EFCAB6: variants seen among roughly 807,000 people sequenced by gnomAD.
EFCAB6 encodes the protein EF-hand calcium-binding domain-containing protein 6.
EFCAB6 carries 156 observed loss-of-function variants against 169.8 expected under a neutral mutation model. That is an observed-to-expected ratio of 0.92 (90% CI 0.81 to 1.05). EFCAB6 has a LOEUF of 1.05. Among genes scored for constraint, EFCAB6 ranks in the 50% least tolerant of loss-of-function variants. The pLI, the probability that EFCAB6 is intolerant of heterozygous loss-of-function variation, is 0.00. For synonymous variants in EFCAB6, 698 were observed against 676.4 expected, an observed-to-expected ratio of 1.03 and a Z score of -0.50; for missense variants, 1,800 against 1,829.1, an observed-to-expected ratio of 0.98 and a Z score of 0.29.
At chr22:43,614,854 C>A (rs2053587998) in intron 21 of EFCAB6, among the ~76,000 whole-genome samples, 1 of 152,060 alleles carries the variant, frequency 6.6e-6, no homozygotes, top group African/African-American at 2.4e-5. Context: ...ACAGCACAGA[C>A]AGTCTGCTTT....
chr22:43,781,354 C>T (rs1477366676), intron 3 of EFCAB6, among the ~76,000 whole-genome samples: 3 of 152,112 alleles, frequency 2.0e-5, no homozygotes, highest in Non-Finnish European at 4.4e-5. Flanking sequence ...GACAGGGTCT[C>T]ACTCTGACAC....
intron 10 of EFCAB6, among the ~76,000 whole-genome samples, chr22:43,689,944 G>A (rs62227040): frequency 1.3e-5 from 2 of 152,078 alleles, no homozygotes; most frequent in Non-Finnish European, 2.9e-5. Flanking sequence ...TTTTATCCAG[G>A]GGCAAAAGAA....
chr22:43,531,352 C>G (rs968407774), intron 30 of EFCAB6, among the ~76,000 whole-genome samples: 3 of 151,782 alleles, frequency 2.0e-5, no homozygotes, highest in Non-Finnish European at 4.4e-5. Flanking sequence ...ACGAGATGGC[C>G]GGGCAGATAT....
In EFCAB6 at chr22:43,699,665, C is replaced by T. The variant is rs115188460; in HGVS notation, c.1031+11810G>A. Among the ~76,000 whole-genome samples, 161 of 152,296 alleles carry T rather than the reference C, an allele frequency of 1.1e-3. 1 individual carries two copies. The highest frequency in any genetic ancestry group is 3.6e-3 in the African/African-American group (151 of 41,562). On this transcript the variant is annotated intron_variant, in intron 10 of 31. Coordinates refer to ENST00000262726, the MANE Select transcript of EFCAB6 (RefSeq NM_022785.4). Reference sequence around the variant, plus strand: ...TGTTTCTCCTCGGGAGTCACACCCTCGCCTAACCCATAGCCCTGTTAACCA... The same window carrying T: ...TGTTTCTCCTCGGGAGTCACACCCTTGCCTAACCCATAGCCCTGTTAACCA...
At chr22:43,771,590 C>A (rs1386973005) in intron 4 of EFCAB6, among the ~76,000 whole-genome samples, 1 of 152,052 alleles carries the variant, frequency 6.6e-6, no homozygotes, top group Non-Finnish European at 1.5e-5. Context: ...TACTTTTGAT[C>A]ATTACAGACT....
chr22:43,637,823 G>T (rs573323458), intron 17 of EFCAB6, among the ~76,000 whole-genome samples: 2 of 152,222 alleles, frequency 1.3e-5, no homozygotes, highest in African/African-American at 4.8e-5. Context: ...ACACACAGCC[G>T]CGGTGAGCCT....
intron 19 of EFCAB6, among the ~76,000 whole-genome samples, chr22:43,630,263 A>C (rs764991700): frequency 6.6e-6 from 1 of 152,218 alleles, no homozygotes; most frequent in Non-Finnish European, 1.5e-5. Context: ...ACCCGCATCC[A>C]GTCTGTCTCA....
In EFCAB6 at chr22:43,755,903, A is replaced by T. The variant is rs530482121; in HGVS notation, c.441-71T>A. 261 of 1,322,416 alleles carry T rather than the reference A, an allele frequency of 2.0e-4. 1 individual carries two copies. The South Asian group carries it at 3.8e-3, about 19-fold the overall frequency. 81.9% of individuals were successfully genotyped at this position (1,322,416 alleles called of 1,614,324 possible). On this transcript the variant is annotated intron_variant, in intron 5 of 31. Coordinates refer to ENST00000262726, the MANE Select transcript of EFCAB6 (RefSeq NM_022785.4). ...AAATGTTTACATAGGATATGCAGAG[A>T]TCAAAATTACAAGGATTTCCAAATA...
chr22:43,666,789 A>C (rs1299037762), intron 17 of EFCAB6, among the ~76,000 whole-genome samples: 2 of 133,204 alleles, frequency 1.5e-5, no homozygotes, highest in Non-Finnish European at 3.1e-5. Context: ...GTGGCTTTGT[A>C]CTCTCACCCG....
At chr22:43,728,220 T>G (rs2059808104) in intron 8 of EFCAB6, among the ~76,000 whole-genome samples, 1 of 152,180 alleles carries the variant, frequency 6.6e-6, no homozygotes, top group South Asian at 2.1e-4. Context: ...ACTTCATCCA[T>G]GTACCAGCAA....
intron 30 of EFCAB6, among the ~76,000 whole-genome samples, chr22:43,532,263 T>C (rs1293795605): frequency 1.3e-5 from 2 of 152,216 alleles, no homozygotes; most frequent in Non-Finnish European, 2.9e-5. Flanking sequence ...ACCCCAGCTT[T>C]GCGGGGTTGC....
At chr22:43,726,175 C>CA (rs577662152) in intron 8 of EFCAB6, among the ~76,000 whole-genome samples, 9 of 133,024 alleles carry the variant, frequency 6.8e-5, no homozygotes, top group Non-Finnish European at 1.4e-4. Context: ...AATGCAAAAA[C>CA]AAAAAAAGGG....
intron 8 of EFCAB6, among the ~76,000 whole-genome samples, chr22:43,730,288 G>A (rs1406943218): frequency 8.3e-6 from 1 of 120,750 alleles, no homozygotes. Flanking sequence ...GGGATGGAGG[G>A]AGGGATGGAG....
At chr22:43,717,005 A>G (rs765791023) in intron 8 of EFCAB6, 33 bp from the exon 9 acceptor site, 1 of 1,448,748 alleles carries the variant, frequency 6.9e-7, no homozygotes, top group East Asian at 2.6e-5. Context: ...GCTTATCAAC[A>G]TTGTCAAAGG....
chr22:43,534,990 C>T (rs1602101208), intron 29 of EFCAB6, 118 bp from the exon 30 acceptor site: 1 of 1,047,472 alleles, frequency 9.5e-7, no homozygotes, highest in Non-Finnish European at 1.4e-6. Context: ...TTGGTCCTCA[C>T]ATCAAAGAAC....
intron 22 of EFCAB6, among the ~76,000 whole-genome samples, chr22:43,606,949 C>T (rs2052962870): frequency 6.6e-6 from 1 of 152,112 alleles, no homozygotes; most frequent in Non-Finnish European, 1.5e-5. Flanking sequence ...CATGGCCAGC[C>T]CCCACTCAGG....
At position 43,628,357 on chromosome 22, in the gene EFCAB6, C is replaced by T. The variant is rs117577997; in HGVS notation, c.2233-1678G>A. 9.5e-3 allele frequency among the ~76,000 whole-genome samples: 1,418 copies of T among 148,574 alleles called. 12 individuals are homozygous for T. Among genetic ancestry groups the T allele is most frequent in the Non-Finnish European group, 0.015 (1,011 of 65,546 alleles). Reference sequence around the variant, plus strand: ...CCCTTCAGAGTGCATTAGCACTGGACCCCCTCTCCCAGGCACACCACCTCG... The same window carrying T: ...CCCTTCAGAGTGCATTAGCACTGGATCCCCTCTCCCAGGCACACCACCTCG... On this transcript the variant is annotated intron_variant, in intron 19 of 31. Transcript: ENST00000262726. This position sits in a 1 kb window ranked among gnomAD's most constrained non-coding sequence, Gnocchi z 4.8.
intron 30 of EFCAB6, among the ~76,000 whole-genome samples, chr22:43,532,853 T>C (rs983847940): frequency 2.0e-5 from 3 of 152,238 alleles, no homozygotes; most frequent in African/African-American, 7.2e-5. Flanking sequence ...GGGCCAGGGC[T>C]TTCAGCCCGA....
chr22:43,588,337 C>CT (rs952688875), intron 24 of EFCAB6, among the ~76,000 whole-genome samples: 67 of 152,232 alleles, frequency 4.4e-4, no homozygotes, highest in Admixed American at 2.3e-3. Flanking sequence ...GTAAAGAAAA[C>CT]TTTTTTTAAA....
Sources: allele counts gnomAD v4.1 joint callset (sites outside exome capture counted in the v4.1 genomes callset), GRCh38; gene constraint gnomAD v4.1.1; non-coding constraint Gnocchi (gnomAD v3.1); transcripts MANE v1.5; gene names NCBI Gene and HGNC (gene_info 2026-07-23, HGNC 2026-07-21).